Variants in ZNF608 observed in about 807,000 individuals in gnomAD.
ZNF608 encodes the protein zinc finger protein 608, also known as renal carcinoma antigen NY-REN-36.
Under a neutral mutation model 109.0 loss-of-function variants are expected in ZNF608, and 12 were observed. The observed-to-expected ratio is 0.11, with a 90% confidence interval of 0.07 to 0.18. ZNF608 has a LOEUF of 0.18. ZNF608 is among the 10% of genes least tolerant of loss of function. The pLI is 1.00. For missense variants in ZNF608, 1,707 were observed against 1,879.3 expected (o/e 0.91, Z 1.70); for synonymous variants, 732 against 717.4 (o/e 1.02, Z -0.33).
rs1750570211 is a variant in ZNF608, at chr5:124,647,447, A to G, written c.2937T>C (p.His979=). 6.2e-7 allele frequency: 1 copy of G among 1,614,250 alleles called. No individual in the cohort carries two copies. Among genetic ancestry groups the G allele is most frequent in the Non-Finnish European group, 8.5e-7 (1 of 1,180,054 alleles). The stretch of plus-strand genomic sequence containing the variant: ...GAGATGATTGTGCTGTAGTTGAAGA[A>G]TGCCCTTTTACAACACTGTCCTTAC... ...ISSKDSVVKG[H]SSTTAQSSQL... The change falls in exon 5 of 10, where the codon CAT becomes CAC. Residue 979 remains histidine, a synonymous_variant. Coordinates refer to ENST00000513986, the MANE Select transcript of ZNF608 (RefSeq NM_020747.3).
rs556896498 is a variant in ZNF608, at chr5:124,637,110, G to T, written c.*790C>A. The T allele has an allele frequency of 6.9e-6, 1 of 145,158 alleles. No individual in the cohort carries two copies. Among genetic ancestry groups the T allele is most frequent in the African/African-American group, 2.5e-5 (1 of 39,528 alleles). The allele number at this position is 145,158 out of a possible 1,614,324, so 9.0% of individuals were successfully genotyped here. ...TAAACATTAAAAAAAAAAAAAGACT[G>T]TAGAACTATTCAAGTAATAGAACAA... On this transcript the variant is annotated 3_prime_UTR_variant, in exon 10 of 10. Coordinates refer to ENST00000513986, the MANE Select transcript of ZNF608 (RefSeq NM_020747.3).
In ZNF608 at chr5:124,735,863, T is replaced by G. The variant is rs116279145; in HGVS notation, c.906+8221A>C. ...ATATTACTTAACTCAAATTACACCT[T>G]TAGAGAAGTTTAAAAATTTGGGAAT... On this transcript the variant is annotated intron_variant, in intron 2 of 9. Transcript: ENST00000513986. Among the ~76,000 whole-genome samples the G allele has an allele frequency of 7.2e-3, 1,092 of 152,280 alleles. 11 individuals are homozygous for G. Among genetic ancestry groups the G allele is most frequent in the Non-Finnish European group, 0.012 (812 of 68,024 alleles).
chr5:124,642,291 T>C (rs1407769519), intron 7 of ZNF608, among the ~76,000 whole-genome samples: 3 of 152,158 alleles, frequency 2.0e-5, no homozygotes, highest in South Asian at 4.1e-4. Context: ...TTCACAGACA[T>C]TGTATTACTT....
rs746610497 is a variant in ZNF608 at position 124,693,974 on chromosome 5, C to CTTT, written c.1162+7037_1162+7039dup. ...GTGAAGCTGGTAACATTTCATTAAT[C>CTTT]TTTTTTTTTTTTTTTTTTTGAGAGA... is the stretch of plus-strand genomic sequence containing the variant. On this transcript the variant is annotated intron_variant, in intron 3 of 9. Transcript: ENST00000513986. 3.9e-3 allele frequency among the ~76,000 whole-genome samples: 240 copies of CTTT among 60,950 alleles called. 61 individuals carry two copies. Among genetic ancestry groups the CTTT allele is most frequent in the African/African-American group, 0.017 (222 of 13,208 alleles). 40.0% of individuals were successfully genotyped at this position (60,950 alleles called of 152,430 possible).
At chr5:124,721,064 T>G (rs536963888) in intron 2 of ZNF608, among the ~76,000 whole-genome samples, 4 of 152,148 alleles carry the variant, frequency 2.6e-5, no homozygotes, top group Admixed American at 6.5e-5. Context: ...TGACAGTTTG[T>G]TATTCTGAGA....
chr5:124,711,424 T>C (rs551484586), intron 2 of ZNF608, among the ~76,000 whole-genome samples: 2 of 152,360 alleles, frequency 1.3e-5, no homozygotes, highest in South Asian at 4.1e-4. Flanking sequence ...TGCTAAGGCA[T>C]TCCACTTTAG....
chr5:124,714,483 A>G (rs1308358213), intron 2 of ZNF608, among the ~76,000 whole-genome samples: 2 of 152,200 alleles, frequency 1.3e-5, no homozygotes, highest in African/African-American at 4.8e-5. Context: ...GAACTGGGTA[A>G]TATAGTGTAA....
At chr5:124,658,640 C>G (rs578119758) in intron 3 of ZNF608, among the ~76,000 whole-genome samples, 1 of 152,274 alleles carries the variant, frequency 6.6e-6, no homozygotes, top group South Asian at 2.1e-4. Flanking sequence ...GGGCAGGTTT[C>G]TCAAACCCTC....
chr5:124,667,459 C>CCATCGT (rs1751523936), intron 3 of ZNF608, among the ~76,000 whole-genome samples: 7 of 151,504 alleles, frequency 4.6e-5, no homozygotes, highest in Admixed American at 4.6e-4. Context: ...CCTCCCACCC[C>CCATCGT]CACCGTGGCT....
At chr5:124,723,974 A>T (rs933724260) in intron 2 of ZNF608, among the ~76,000 whole-genome samples, 4 of 152,224 alleles carry the variant, frequency 2.6e-5, no homozygotes, top group South Asian at 2.1e-4. Context: ...TGCAAATTAA[A>T]ATAATAGATT....
chr5:124,694,187 G>A (rs1206861322), intron 3 of ZNF608, among the ~76,000 whole-genome samples: 5 of 137,706 alleles, frequency 3.6e-5, no homozygotes, highest in Non-Finnish European at 7.7e-5. Context: ...GTAGAGACGG[G>A]GTTTCACCGT....
intron 3 of ZNF608, among the ~76,000 whole-genome samples, chr5:124,699,709 C>T (rs1752978696): frequency 6.6e-6 from 1 of 152,122 alleles, no homozygotes; most frequent in African/African-American, 2.4e-5. Context: ...TGTTTTCTAC[C>T]TTGAAACAGC....
rs1750407708 is a variant in ZNF608, at chr5:124,644,530, A to T, written c.3837T>A (p.Ser1279Arg). The T allele has an allele frequency of 9.3e-6, 15 of 1,613,570 alleles. No homozygotes were observed. Among genetic ancestry groups the T allele is most frequent in the Non-Finnish European group, 1.3e-5 (15 of 1,179,870 alleles). The change falls in exon 6 of 10, where the codon AGT (serine) becomes AGA (arginine). Residue 1279 changes from serine (S) to arginine (R), a missense_variant. Physicochemically the swap from Ser to Arg is moderately radical, Grantham distance 110 (BLOSUM62 -1). This residue lies in a region of ZNF608 where 1,073 missense variants were observed against 1,133.5 expected (regional missense o/e 0.95). Coordinates refer to ENST00000513986, the MANE Select transcript of ZNF608 (RefSeq NM_020747.3). ...ACGATACAGGAAGGCTGGGCACACC[A>T]CTCTCTTTATTAGGAGTTTTCCTCG... is the stretch of plus-strand genomic sequence containing the variant. Reference protein sequence around the residue: ...DSPRKTPNKESGVPSLPVSLT... With the variant: ...DSPRKTPNKERGVPSLPVSLT...
chr5:124,671,600 G>A (rs553034566), intron 3 of ZNF608, among the ~76,000 whole-genome samples: 60 of 151,380 alleles, frequency 4.0e-4, no homozygotes, highest in African/African-American at 1.4e-3. Flanking sequence ...GCTCATCTTT[G>A]GGGCTAAGAA....
At chr5:124,714,127 C>CT (rs1204249152) in intron 2 of ZNF608, among the ~76,000 whole-genome samples, 1 of 151,316 alleles carries the variant, frequency 6.6e-6, no homozygotes, top group Non-Finnish European at 1.5e-5. Context: ...AAGAAGTAAA[C>CT]TTTTTTAAAA....
rs569133287 is a variant in ZNF608, at chr5:124,638,995, T to C, written c.4532+138A>G. 5.3e-5 allele frequency: 47 copies of C among 883,874 alleles called. 1 individual carries two copies. In the South Asian group the frequency reaches 8.0e-4, roughly 15 times the overall value. The allele number at this position is 883,874 out of a possible 1,614,324, so 54.8% of individuals were successfully genotyped here. ...AAGTTGCATGTGAAGCAACTTATAT[T>C]GGCATAATAAACACATTCATTACAA... On this transcript the variant is annotated intron_variant, in intron 9 of 9. Coordinates refer to ENST00000513986, the MANE Select transcript of ZNF608 (RefSeq NM_020747.3).
Position 124,702,770 on chromosome 5 carries a change from C to G in ZNF608, c.907-1501G>C, listed in dbSNP as rs1039167663. Reference sequence around the variant, plus strand: ...TGCTCTCAAAGCTGCCATAAAACTTCTTTTGCTCCACGCTTTTTATTGTTC... The same window carrying G: ...TGCTCTCAAAGCTGCCATAAAACTTGTTTTGCTCCACGCTTTTTATTGTTC... On this transcript the variant is annotated intron_variant, in intron 2 of 9. Coordinates refer to ENST00000513986, the MANE Select transcript of ZNF608 (RefSeq NM_020747.3). Among the ~76,000 whole-genome samples the G allele has an allele frequency of 6.6e-5, 10 of 152,194 alleles. 1 individual carries two copies. The highest frequency in any genetic ancestry group is 2.4e-4 in the African/African-American group (10 of 41,448).
intron 3 of ZNF608, among the ~76,000 whole-genome samples, chr5:124,685,026 A>C (rs914600210): frequency 3.9e-5 from 6 of 152,220 alleles, no homozygotes; most frequent in African/African-American, 1.4e-4. Flanking sequence ...CTTTCAGAGG[A>C]TCTTAATAAA....
At chr5:124,708,887 C>T (rs985898186) in intron 2 of ZNF608, 1 of 428,120 alleles carries the variant, frequency 2.3e-6, no homozygotes, top group Admixed American at 2.6e-5. Flanking sequence ...GCCAAAAATC[C>T]AAGGCCCGGT....
Sources: gnomAD v4.1 joint callset for allele counts (sites outside exome capture counted in the v4.1 genomes callset) on GRCh38, gnomAD v4.1.1 for gene constraint, gnomAD v4.1.1 regional missense constraint, MANE v1.5 for transcripts, NCBI Gene and HGNC (gene_info 2026-07-23, HGNC 2026-07-21) for gene names.